The following NBEA variants were observed in gnomAD, a reference collection of about 807,000 sequenced individuals.
NBEA encodes the protein lysosomal-trafficking regulator 2.
A neutral mutation model predicts 343.4 loss-of-function variants in NBEA; 44 were observed. That is an observed-to-expected ratio of 0.13 (90% CI 0.10 to 0.16). The LOEUF is 0.16. NBEA is among the 10% of genes least tolerant of loss of function. The pLI is 1.00. For missense variants in NBEA, 2,555 were observed against 3,631.3 expected (o/e 0.70, Z 7.62); for synonymous variants, 1,175 against 1,238.7 (o/e 0.95, Z 1.08).
At chr13:35,410,687 C>T (rs1167029366) in intron 38 of NBEA, among the ~76,000 whole-genome samples, 1 of 152,126 alleles carries the variant, frequency 6.6e-6, no homozygotes, top group Admixed American at 6.6e-5. Flanking sequence ...TGGAATTTAA[C>T]ATGTCAGTAC....
chr13:34,973,797 G>A (rs1006328186), intron 1 of NBEA, among the ~76,000 whole-genome samples: 3 of 152,152 alleles, frequency 2.0e-5, no homozygotes, highest in Admixed American at 1.3e-4. Flanking sequence ...TCCGCAGACC[G>A]TTACTGCCTG....
chr13:35,175,876 C>T (rs1311526789), intron 27 of NBEA, among the ~76,000 whole-genome samples: 4 of 152,016 alleles, frequency 2.6e-5, no homozygotes, highest in Non-Finnish European at 5.9e-5. Context: ...TGAAAAGGAA[C>T]AATTACACAA....
In NBEA at chr13:35,662,732, C is replaced by T. The variant is rs552295328; in HGVS notation, c.8363-2353C>T. ...AGCCTTTGAAAAACTCATTTCCTAG[C>T]AGAAAATGTATAACATGCATAAGGA... On this transcript the variant is annotated intron_variant, in intron 55 of 58. Transcript: ENST00000379939. Among the ~76,000 whole-genome samples, 11 of 152,292 alleles carry T rather than the reference C, an allele frequency of 7.2e-5. No homozygotes were observed. In the South Asian group the frequency reaches 2.3e-3, roughly 32 times the overall value.
intron 40 of NBEA, among the ~76,000 whole-genome samples, chr13:35,460,474 T>G (rs1403392926): frequency 6.6e-6 from 1 of 152,368 alleles, no homozygotes; most frequent in East Asian, 1.9e-4. Flanking sequence ...ATTTCTAACT[T>G]AATTTTTATA....
intron 6 of NBEA, among the ~76,000 whole-genome samples, chr13:35,054,620 TTTTTCTTTTTCTGTTTTC>T (rs1206769955): frequency 8.6e-5 from 13 of 151,572 alleles, no homozygotes; most frequent in East Asian, 3.9e-4. Context: ...CACTGTTTTT[TTTTTCTTTTTCTGTTTTC>T]TTTTCTTTTT....
chr13:35,472,565 T>C, intron 41 of NBEA, 29 bp downstream of exon 41: 1 of 1,613,596 alleles, frequency 6.2e-7, no homozygotes, highest in Non-Finnish European at 8.5e-7. Flanking sequence ...ATGTACAGTA[T>C]TGGTGGCTTT....
intron 38 of NBEA, among the ~76,000 whole-genome samples, chr13:35,416,878 G>C (rs561135910): frequency 2.6e-4 from 40 of 152,096 alleles, no homozygotes; most frequent in Non-Finnish European, 4.1e-4. Flanking sequence ...GGACTTTTTT[G>C]GTTGGTAGGC....
At chr13:35,425,951 C>A (rs1370291676) in intron 38 of NBEA, among the ~76,000 whole-genome samples, 1 of 152,134 alleles carries the variant, frequency 6.6e-6, no homozygotes, top group Admixed American at 6.5e-5. Context: ...TCTGTTTTAT[C>A]AGAGACCAGG....
chr13:35,040,226 G>A (rs1048066085), intron 1 of NBEA, among the ~76,000 whole-genome samples: 3 of 152,018 alleles, frequency 2.0e-5, no homozygotes, highest in Non-Finnish European at 4.4e-5. Context: ...GTGTTATTAT[G>A]TTATTTTATT....
chr13:35,144,158 GA>G (rs1353029557), intron 18 of NBEA, among the ~76,000 whole-genome samples: 2 of 152,150 alleles, frequency 1.3e-5, no homozygotes, highest in Non-Finnish European at 2.9e-5. Flanking sequence ...ATTGCAAAGA[GA>G]AAAGTACACA....
chr13:34,946,223 ATTAT>A (rs1451227047), intron 1 of NBEA, among the ~76,000 whole-genome samples: 1 of 152,158 alleles, frequency 6.6e-6, no homozygotes, highest in South Asian at 2.1e-4. Context: ...TTCTGGAGGA[ATTAT>A]TTAAAGTGGC....
Position 35,472,382 on chromosome 13 carries a change from C to T in NBEA, c.6449-18C>T. ...GCCACAGGGGCTCAGCCTGACTCCC[C>T]TTGTCCTTGCCTTGCAGGCCCAGTG... is the stretch of plus-strand genomic sequence containing the variant. On this transcript the variant is annotated intron_variant, in intron 40 of 58. Transcript: ENST00000379939. The T allele has an allele frequency of 1.9e-6, 3 of 1,611,264 alleles. No individual in the cohort carries two copies. Among genetic ancestry groups the T allele is most frequent in the Non-Finnish European group, 2.5e-6 (3 of 1,178,790 alleles).
intron 36 of NBEA, among the ~76,000 whole-genome samples, chr13:35,334,134 C>CTGGGT (rs2039100026): frequency 6.6e-6 from 1 of 152,092 alleles, no homozygotes; most frequent in Non-Finnish European, 1.5e-5. Flanking sequence ...ATTCTTCTTA[C>CTGGGT]TGGGTTGTAC....
chr13:35,365,276 T>G (rs2041035739), intron 38 of NBEA, among the ~76,000 whole-genome samples: 1 of 151,772 alleles, frequency 6.6e-6, no homozygotes, highest in Admixed American at 6.6e-5. Context: ...AGCATGTAAA[T>G]GTAAAATAAC....
intron 38 of NBEA, among the ~76,000 whole-genome samples, chr13:35,415,227 C>CT (rs1292542952): frequency 3.9e-5 from 6 of 152,132 alleles, no homozygotes; most frequent in Non-Finnish European, 8.8e-5. Context: ...TGCAGAAGCT[C>CT]TTTAGTTTAA....
At chr13:35,640,790 A>T (rs2153073112) in intron 49 of NBEA, among the ~76,000 whole-genome samples, 1 of 152,314 alleles carries the variant, frequency 6.6e-6, no homozygotes, top group East Asian at 1.9e-4. Context: ...AAAATCATTT[A>T]TGCTGTTCAG....
intron 34 of NBEA, among the ~76,000 whole-genome samples, chr13:35,285,591 A>C (rs1359776043): frequency 6.6e-6 from 1 of 152,104 alleles, no homozygotes; most frequent in Non-Finnish European, 1.5e-5. Flanking sequence ...ACCCTGTCCC[A>C]AATAGTTGTT....
intron 51 of NBEA, among the ~76,000 whole-genome samples, chr13:35,648,407 C>A (rs1189420660): frequency 6.6e-6 from 1 of 151,800 alleles, no homozygotes; most frequent in African/African-American, 2.4e-5. Flanking sequence ...AATAAACTGT[C>A]CAGAAGAATA....
intron 39 of NBEA, among the ~76,000 whole-genome samples, chr13:35,445,315 ATTTT>A (rs1265426893): frequency 2.6e-5 from 4 of 151,934 alleles, no homozygotes; most frequent in Admixed American, 6.6e-5. Flanking sequence ...TGTTTTATTT[ATTTT>A]ATCAAAATTT....
Sources: gnomAD v4.1 joint callset for allele counts (sites outside exome capture counted in the v4.1 genomes callset) on GRCh38, gnomAD v4.1.1 for gene constraint, MANE v1.5 for transcripts, NCBI Gene and HGNC (gene_info 2026-07-23, HGNC 2026-07-21) for gene names.